Variants in ST8SIA1 observed in about 807,000 individuals in gnomAD.
ST8SIA1 encodes the protein ST8 alpha-N-acetyl-neuraminide alpha-2,8-sialyltransferase 1, also known as alpha-N-acetylneuraminide alpha-2,8-sialyltransferase.
ST8SIA1 carries 16 observed loss-of-function variants against 35.9 expected under a neutral mutation model. The ratio of observed to expected loss-of-function variants is 0.45; its 90% confidence interval spans 0.30 to 0.68. The LOEUF (loss-of-function observed/expected upper bound fraction) is 0.68. Among genes scored for constraint, ST8SIA1 ranks in the 30% least tolerant of loss-of-function variants. The pLI, the probability that ST8SIA1 is intolerant of heterozygous loss-of-function variation, is 0.09. For missense variants in ST8SIA1, 383 were observed against 453.6 expected (o/e 0.84, Z 1.41); for synonymous variants, 170 against 169.6 (o/e 1.00, Z -0.02).
chr12:22,292,615 A>G (rs941781365), intron 1 of ST8SIA1, among the ~76,000 whole-genome samples: 9 of 152,214 alleles, frequency 5.9e-5, no homozygotes, highest in African/African-American at 2.2e-4. Flanking sequence ...ATGCAGCTGG[A>G]GGCCATTATC....
chr12:22,328,741 G>A (rs566482014), intron 1 of ST8SIA1, among the ~76,000 whole-genome samples: 1 of 152,280 alleles, frequency 6.6e-6, no homozygotes, highest in African/African-American at 2.4e-5. Flanking sequence ...CCACCTTGAG[G>A]CGAACTAACA....
At position 22,325,630 on chromosome 12, in the gene ST8SIA1, C is replaced by T. The variant is rs946077102; in HGVS notation, c.236+8367G>A. 4.4e-5 allele frequency: 27 copies of T among 617,020 alleles called. No individual in the cohort carries two copies. The African/African-American group carries it at 4.4e-4, about 10-fold the overall frequency. The allele number at this position is 617,020 out of a possible 1,614,324, so 38.2% of individuals were successfully genotyped here. The stretch of plus-strand genomic sequence containing the variant: ...TATCTGTGGAGGATACATTCCAAGA[C>T]CCCCAGTGGATGTCTGAAACTTCAG... On this transcript the variant is annotated intron_variant, in intron 1 of 4. Transcript: ENST00000396037.
chr12:22,325,543 C>CT, intron 1 of ST8SIA1: 1 of 697,586 alleles, frequency 1.4e-6, no homozygotes, highest in East Asian at 2.7e-5. Flanking sequence ...AACTGTAAGC[C>CT]TTGGAACCCC....
At chr12:22,254,017 G>T (rs1298514099) in intron 3 of ST8SIA1, among the ~76,000 whole-genome samples, 1 of 152,046 alleles carries the variant, frequency 6.6e-6, no homozygotes, top group African/African-American at 2.4e-5. Context: ...CTCCTAGACT[G>T]TTACTCGTTT....
chr12:22,266,535 C>T (rs1865850926), intron 2 of ST8SIA1, among the ~76,000 whole-genome samples: 2 of 151,702 alleles, frequency 1.3e-5, no homozygotes, highest in Admixed American at 6.6e-5. Flanking sequence ...CATGGTGGCT[C>T]ACATCTATAA....
At position 22,216,572 on chromosome 12, in the gene ST8SIA1, C is replaced by A. The variant is rs78420761; in HGVS notation, c.585-14534G>T. On this transcript the variant is annotated intron_variant, in intron 4 of 4. Transcript: ENST00000396037. ...CCCTGAGCCTGGATTAGGTATCTAA[C>A]TTTGTGTTCTCTTATCACTTTATTT... Among the ~76,000 whole-genome samples, 93 of 152,272 alleles carry A rather than the reference C, an allele frequency of 6.1e-4. No homozygotes were observed. In the East Asian group the frequency reaches 0.013, roughly 21 times the overall value.
chr12:22,256,139 T>C (rs966315738), intron 2 of ST8SIA1, among the ~76,000 whole-genome samples: 1 of 152,180 alleles, frequency 6.6e-6, no homozygotes, highest in African/African-American at 2.4e-5. Context: ...CAGAAGTATT[T>C]GCTGAGAGTG....
chr12:22,265,423 T>A (rs1244305085), intron 2 of ST8SIA1, among the ~76,000 whole-genome samples: 1 of 152,142 alleles, frequency 6.6e-6, no homozygotes, highest in Non-Finnish European at 1.5e-5. Context: ...AGAAAGCACA[T>A]CTTCATGTTG....
chr12:22,201,409 T>C lies in ST8SIA1; in HGVS notation c.*143A>G. The C allele has an allele frequency of 8.6e-7, 1 of 1,165,464 alleles. No individual in the cohort carries two copies. Among genetic ancestry groups the C allele is most frequent in the Non-Finnish European group, 1.2e-6 (1 of 840,750 alleles). The allele number at this position is 1,165,464 out of a possible 1,614,324, so 72.2% of individuals were successfully genotyped here. On this transcript the variant is annotated 3_prime_UTR_variant, in exon 5 of 5. Transcript: ENST00000396037. ...CTCCAAGCCAACGCTGAAAGTAAAG[T>C]TTTGCTTGGATCTTCATTGCTCCTT...
At chr12:22,312,727 A>C (rs868273806) in intron 1 of ST8SIA1, among the ~76,000 whole-genome samples, 1 of 151,524 alleles carries the variant, frequency 6.6e-6, no homozygotes, top group African/African-American at 2.4e-5. Context: ...AAAAAAAAAA[A>C]ACAATAAATT....
At chr12:22,275,145 G>T (rs1219994222) in intron 2 of ST8SIA1, among the ~76,000 whole-genome samples, 1 of 152,162 alleles carries the variant, frequency 6.6e-6, no homozygotes. Context: ...GAATTCATCA[G>T]ATAAGGATAG....
intron 1 of ST8SIA1, among the ~76,000 whole-genome samples, chr12:22,307,750 T>C (rs1324475173): frequency 6.6e-6 from 1 of 152,206 alleles, no homozygotes; most frequent in East Asian, 1.9e-4. Context: ...TGCTATTTTC[T>C]TCTCTTCCAC....
At chr12:22,208,825 C>T (rs957335760) in intron 4 of ST8SIA1, among the ~76,000 whole-genome samples, 2 of 152,092 alleles carry the variant, frequency 1.3e-5, no homozygotes, top group Admixed American at 1.3e-4. Flanking sequence ...TGTACCTAAG[C>T]ATTTTTGGAG....
At chr12:22,270,949 G>C (rs1229322032) in intron 2 of ST8SIA1, among the ~76,000 whole-genome samples, 3 of 152,182 alleles carry the variant, frequency 2.0e-5, no homozygotes, top group Non-Finnish European at 2.9e-5. Context: ...ACACTAAAAA[G>C]TTCATTGTGC....
chr12:22,287,411 T>C lies in ST8SIA1; in HGVS notation c.237-118A>G, dbSNP rs535567089. The C allele has an allele frequency of 2.3e-5, 23 of 992,078 alleles. No homozygotes were observed. In the African/African-American group the frequency reaches 3.4e-4, roughly 15 times the overall value. The allele number at this position is 992,078 out of a possible 1,614,324, so 61.5% of individuals were successfully genotyped here. A position where few individuals can be genotyped will look rare whatever the true frequency, so the allele number is the denominator to read the frequency against. ...ACCTCAGTGCCAGCTCACAGAAGCATAGCATCTCCAGGGTGATTAGACTAC... is the reference window on the plus strand; with the variant it reads ...ACCTCAGTGCCAGCTCACAGAAGCACAGCATCTCCAGGGTGATTAGACTAC... On this transcript the variant is annotated intron_variant, in intron 1 of 4. Coordinates refer to ENST00000396037, the MANE Select transcript of ST8SIA1 (RefSeq NM_003034.4).
intron 2 of ST8SIA1, among the ~76,000 whole-genome samples, chr12:22,266,848 T>TACAC (rs145606826): frequency 0.021 from 3,071 of 144,994 alleles, 102 homozygotes; most frequent in Admixed American, 0.098. Flanking sequence ...CACAAAAGTA[T>TACAC]ACACACACAC....
intron 1 of ST8SIA1, among the ~76,000 whole-genome samples, chr12:22,302,933 C>T (rs1211258043): frequency 6.6e-6 from 1 of 152,042 alleles, no homozygotes; most frequent in African/African-American, 2.4e-5. Context: ...CAATGTACAT[C>T]TTACATATAT....
intron 3 of ST8SIA1, 21 bp downstream of exon 3, chr12:22,255,259 G>A (rs372266889): frequency 3.8e-6 from 6 of 1,599,218 alleles, no homozygotes; most frequent in Admixed American, 1.7e-5. Flanking sequence ...CAGAGGCCGC[G>A]CTGTGGGTGC....
chr12:22,230,247 ATC>A (rs1865403641), intron 4 of ST8SIA1, among the ~76,000 whole-genome samples: 3 of 152,176 alleles, frequency 2.0e-5, no homozygotes, highest in South Asian at 4.2e-4. Context: ...GAGGAATGAA[ATC>A]TCTTTTTTTC....
Sources: gnomAD v4.1 joint callset for allele counts (sites outside exome capture counted in the v4.1 genomes callset) on GRCh38, gnomAD v4.1.1 for gene constraint, MANE v1.5 for transcripts, NCBI Gene and HGNC (gene_info 2026-07-23, HGNC 2026-07-21) for gene names.